TMEM178B: variants seen among roughly 807,000 people sequenced by gnomAD.
The protein encoded by TMEM178B is transmembrane protein 178B.
A neutral mutation model predicts 31.0 loss-of-function variants in TMEM178B; 5 were observed. The observed-to-expected ratio is 0.16, with a 90% CI of 0.08 to 0.34. The LOEUF (loss-of-function observed/expected upper bound fraction) is 0.34. TMEM178B is among the 10% of genes least tolerant of loss of function. TMEM178B has a pLI of 1.00. For synonymous variants in TMEM178B, 164 were observed against 164.0 expected (o/e 1.00, Z 0.00); for missense variants, 275 against 400.3 (o/e 0.69, Z 2.67).
chr7:141,294,798 C>T (rs1387030028), intron 2 of TMEM178B, among the ~76,000 whole-genome samples: 1 of 152,218 alleles, frequency 6.6e-6, no homozygotes, highest in East Asian at 1.9e-4. Flanking sequence ...ACCCTCATTT[C>T]TCTCATATAG....
At chr7:141,263,526 A>T (rs894447323) in intron 2 of TMEM178B, among the ~76,000 whole-genome samples, 11 of 152,346 alleles carry the variant, frequency 7.2e-5, no homozygotes, top group Admixed American at 4.6e-4. Context: ...AGGCTGGGGT[A>T]GGGGAAAGGT....
At chr7:141,257,498 T>C (rs1211263328) in intron 2 of TMEM178B, among the ~76,000 whole-genome samples, 1 of 152,238 alleles carries the variant, frequency 6.6e-6, no homozygotes, top group East Asian at 1.9e-4. Flanking sequence ...ATTCCACAGT[T>C]CGCAGCTTTT....
the TMEM178B span, among the ~76,000 whole-genome samples, chr7:141,496,781 A>AAAAG: frequency 2.0e-5 from 3 of 152,014 alleles, no homozygotes; most frequent in African/African-American, 7.3e-5. Flanking sequence ...TGCAAAAAAA[A>AAAAG]TGGTCTAAAA....
chr7:141,252,518 T>C (rs1373275048), intron 2 of TMEM178B, among the ~76,000 whole-genome samples: 1 of 152,226 alleles, frequency 6.6e-6, no homozygotes, highest in Non-Finnish European at 1.5e-5. Flanking sequence ...GAAATGAAGA[T>C]GAGAATTCCT....
intron 2 of TMEM178B, among the ~76,000 whole-genome samples, chr7:141,220,308 C>T (rs1200102843): frequency 2.9e-5 from 4 of 138,086 alleles, no homozygotes; most frequent in Admixed American, 7.7e-5. Context: ...GAAACTCCAT[C>T]TCAAATAATA....
downstream of TMEM178B, among the ~76,000 whole-genome samples, chr7:141,483,544 C>A (rs1802511691): frequency 6.6e-6 from 1 of 152,154 alleles, no homozygotes; most frequent in Non-Finnish European, 1.5e-5. Flanking sequence ...TGCCACTTGG[C>A]CTCCTCAACC....
intron 1 of TMEM178B, among the ~76,000 whole-genome samples, chr7:141,106,505 G>C (rs1795150089): frequency 6.6e-6 from 1 of 152,216 alleles, no homozygotes; most frequent in Non-Finnish European, 1.5e-5. Flanking sequence ...CAAGCTCACA[G>C]TTATTTCCTC....
At chr7:141,106,408 C>T (rs961808434) in intron 1 of TMEM178B, among the ~76,000 whole-genome samples, 1 of 152,298 alleles carries the variant, frequency 6.6e-6, no homozygotes, top group East Asian at 1.9e-4. Flanking sequence ...ACATAAAATG[C>T]ATCTAACTTT....
chr7:141,154,712 G>A (rs1796036793), intron 1 of TMEM178B, among the ~76,000 whole-genome samples: 1 of 151,974 alleles, frequency 6.6e-6, no homozygotes, highest in African/African-American at 2.4e-5. Flanking sequence ...TCCCTGGGAT[G>A]CAGCTGTTAA....
chr7:141,416,314 C>G (rs2116644237), intron 2 of TMEM178B: 1 of 152,820 alleles, frequency 6.5e-6, no homozygotes, highest in Admixed American at 6.5e-5. Flanking sequence ...GGCCCTGACT[C>G]TTTTTCTTTT....
At chr7:141,294,850 G>T (rs1057096296) in intron 2 of TMEM178B, among the ~76,000 whole-genome samples, 2 of 152,074 alleles carry the variant, frequency 1.3e-5, no homozygotes, top group Non-Finnish European at 2.9e-5. Flanking sequence ...TGCCTTTTCC[G>T]CCTTTCAGCT....
intron 2 of TMEM178B, among the ~76,000 whole-genome samples, chr7:141,396,557 G>T (rs745955908): frequency 6.6e-6 from 1 of 152,174 alleles, no homozygotes; most frequent in Admixed American, 6.5e-5. Context: ...AGGCGACAGC[G>T]CTGGGACTAG....
At chr7:141,209,379 C>T (rs578006117) in intron 1 of TMEM178B, among the ~76,000 whole-genome samples, 2 of 152,370 alleles carry the variant, frequency 1.3e-5, no homozygotes, top group Admixed American at 1.3e-4. Context: ...TATAGACTCA[C>T]AGAGTTCTGC....
intron 2 of TMEM178B, among the ~76,000 whole-genome samples, chr7:141,229,192 G>A (rs1797400920): frequency 6.6e-6 from 1 of 151,342 alleles, no homozygotes; most frequent in Admixed American, 6.6e-5. Flanking sequence ...TTCAATTGGA[G>A]GCTGAATATG....
At chr7:141,146,444 A>G (rs1462959281) in intron 1 of TMEM178B, among the ~76,000 whole-genome samples, 1 of 152,208 alleles carries the variant, frequency 6.6e-6, no homozygotes, top group Non-Finnish European at 1.5e-5. Context: ...CTGGGTAGGA[A>G]TCCAAGTTCT....
At chr7:141,464,295 T>C (rs1802112867) in intron 3 of TMEM178B, among the ~76,000 whole-genome samples, 1 of 152,080 alleles carries the variant, frequency 6.6e-6, no homozygotes, top group African/African-American at 2.4e-5. Context: ...TATCAGAGTA[T>C]AACTCTTACC....
the TMEM178B span, among the ~76,000 whole-genome samples, chr7:141,490,317 A>G: frequency 1.3e-5 from 2 of 152,336 alleles, no homozygotes; most frequent in Admixed American, 6.5e-5. Flanking sequence ...AGTTAAGATG[A>G]AGTAATTAGA....
chr7:141,100,044 C>T (rs1023437500), intron 1 of TMEM178B, among the ~76,000 whole-genome samples: 8 of 152,104 alleles, frequency 5.3e-5, no homozygotes, highest in South Asian at 2.1e-4. Flanking sequence ...TGGTCTCGAT[C>T]TCCTGACCTC....
At chr7:141,510,839 A>C in the TMEM178B span, among the ~76,000 whole-genome samples, 560 of 152,194 alleles carry the variant, frequency 3.7e-3, 1 homozygote, top group Non-Finnish European at 5.9e-3. Context: ...CCAACTGCCC[A>C]TGCCTTCCCC....
Sources: gnomAD v4.1 joint callset for allele counts (sites outside exome capture counted in the v4.1 genomes callset) on GRCh38, gnomAD v4.1.1 for gene constraint, MANE v1.5 for transcripts, NCBI Gene and HGNC (gene_info 2026-07-23, HGNC 2026-07-21) for gene names.